KCNJ16: variants seen among roughly 807,000 people sequenced by gnomAD.
KCNJ16 encodes inward rectifier potassium channel 16.
In KCNJ16, 15 loss-of-function variants were observed where a neutral mutation model predicts 18.5. The ratio of observed to expected loss-of-function variants is 0.81; its 90% CI spans 0.54 to 1.25. The LOEUF is 1.25. KCNJ16 is among the 50% of genes most tolerant of loss of function. The pLI is 0.00. For missense variants in KCNJ16, 523 were observed against 525.7 expected, an observed-to-expected ratio of 0.99 and a Z score of 0.05; for synonymous variants, 174 against 186.5, an observed-to-expected ratio of 0.93 and a Z score of 0.55.
intron 1 of KCNJ16, among the ~76,000 whole-genome samples, 166 bp from the exon 2 acceptor site, chr17:70,100,492 C>T (rs1050526244): frequency 6.6e-6 from 1 of 152,148 alleles, no homozygotes; most frequent in Non-Finnish European, 1.5e-5. Flanking sequence ...AAACATTACT[C>T]TCACTCACCA....
chr17:70,082,404 G>A (rs2071594726), intron 1 of KCNJ16, among the ~76,000 whole-genome samples: 1 of 152,088 alleles, frequency 6.6e-6, no homozygotes, highest in Non-Finnish European at 1.5e-5. Flanking sequence ...TCCATTTCTA[G>A]GCCCCCAAAC....
intron 1 of KCNJ16, among the ~76,000 whole-genome samples, chr17:70,081,592 T>G (rs1012643220): frequency 6.6e-6 from 1 of 152,192 alleles, no homozygotes; most frequent in Non-Finnish European, 1.5e-5. Context: ...ATATTGTTCG[T>G]GTGTCTCTGC....
intron 2 of KCNJ16, among the ~76,000 whole-genome samples, chr17:70,106,668 A>G (rs1022557039): frequency 1.3e-5 from 2 of 152,174 alleles, no homozygotes; most frequent in African/African-American, 2.4e-5. Context: ...TGCTTCTGCC[A>G]TGGTTTTCTG....
intron 1 of KCNJ16, among the ~76,000 whole-genome samples, chr17:70,079,772 G>A (rs2071474423): frequency 6.6e-6 from 1 of 151,944 alleles, no homozygotes; most frequent in African/African-American, 2.4e-5. Flanking sequence ...GCATGATCTC[G>A]GCCCACTGCA....
intron 1 of KCNJ16, among the ~76,000 whole-genome samples, chr17:70,099,043 A>C (rs976556601): frequency 6.6e-6 from 1 of 152,116 alleles, no homozygotes; most frequent in Admixed American, 6.6e-5. Flanking sequence ...ACACCACAGA[A>C]ATGAAAAACT....
intron 2 of KCNJ16, chr17:70,101,042 G>T (rs1409653408): frequency 2.6e-5 from 4 of 152,188 alleles, no homozygotes; most frequent in Admixed American, 6.5e-5. Flanking sequence ...TGAATCCACA[G>T]TCTATTATAC....
rs115694666 is a variant in KCNJ16 at position 70,078,981 on chromosome 17, T to C, written c.-300+3591T>C. Among the ~76,000 whole-genome samples, 884 of 152,296 alleles carry C rather than the reference T, an allele frequency of 5.8e-3. 5 individuals carry two copies. The highest frequency in any genetic ancestry group is 0.019 in the African/African-American group (802 of 41,562). ...GTCAGAAACTCACTCTTAAGAGAAC[T>C]CAGACAGTTCTCTTAAAATGGTCTT... On this transcript the variant is annotated intron_variant, in intron 1 of 3. Transcript: ENST00000392671.
chr17:70,088,843 CGATTTTAGTCCTATGGCTTGAAT>C (rs2071957920), intron 1 of KCNJ16, among the ~76,000 whole-genome samples: 1 of 151,644 alleles, frequency 6.6e-6, no homozygotes, highest in East Asian at 1.9e-4. Context: ...GCCTAGTGGC[CGATTTTAGTCCTATGGCTTGAAT>C]GACTTAAAAT....
chr17:70,087,530 G>A (rs888544953), intron 1 of KCNJ16, among the ~76,000 whole-genome samples: 3 of 151,994 alleles, frequency 2.0e-5, no homozygotes, highest in Admixed American at 6.6e-5. Context: ...GGTGAAACCC[G>A]TTCTCTACTA....
chr17:70,128,675 C>G (rs1287833523), intron 2 of KCNJ16: 1 of 152,190 alleles, frequency 6.6e-6, no homozygotes, highest in Non-Finnish European at 1.5e-5. Context: ...ACTTCATATT[C>G]TACAGCTTTG....
rs1229402528 is a variant in KCNJ16, at chr17:70,133,106, G to A, written c.1019G>A (p.Ser340Asn). 3 of 1,614,060 alleles carry A rather than the reference G, an allele frequency of 1.9e-6. No individual in the cohort carries two copies. In the African/African-American group the frequency reaches 4.0e-5, roughly 22 times the overall value. Residue 340 changes from serine (S) to asparagine (N), a missense_variant, in exon 4 of 4, where the codon AGT (serine) becomes AAT (asparagine). Transcript: ENST00000392671. ...GSVEVYAPFC[S>N]AKQLDWKDQQ... ...GTGGAAGTATATGCCCCCTTTTGCA[G>A]TGCCAAGCAATTGGACTGGAAAGAC...
At position 70,133,652 on chromosome 17, in the gene KCNJ16, A is replaced by G; in HGVS notation, c.*308A>G. The G allele has an allele frequency of 4.2e-6, 1 of 240,844 alleles. No individual in the cohort carries two copies. The highest frequency in any genetic ancestry group is 8.7e-6 in the Non-Finnish European group (1 of 115,326). 14.9% of individuals were successfully genotyped at this position (240,844 alleles called of 1,614,324 possible). ...TGTAGTATTCAAAAACGGGGAATGA[A>G]GGCAGGAAGGAGGCTGGAATAAATA... On this transcript the variant is annotated 3_prime_UTR_variant, in exon 4 of 4. Coordinates refer to ENST00000392671, the MANE Select transcript of KCNJ16 (RefSeq NM_170741.4).
intron 1 of KCNJ16, among the ~76,000 whole-genome samples, chr17:70,077,937 C>A (rs2071387280): frequency 6.6e-6 from 1 of 152,022 alleles, no homozygotes; most frequent in Non-Finnish European, 1.5e-5. Flanking sequence ...AAGACAGTTA[C>A]ATTTTGCTTT....
chr17:70,105,418 T>A (rs932438602), intron 2 of KCNJ16, among the ~76,000 whole-genome samples: 1 of 152,188 alleles, frequency 6.6e-6, no homozygotes, highest in African/African-American at 2.4e-5. Context: ...AAGAGGTGAA[T>A]CTTTCATTTC....
At chr17:70,086,251 TAATG>T (rs2071791807) in intron 1 of KCNJ16, among the ~76,000 whole-genome samples, 1 of 152,196 alleles carries the variant, frequency 6.6e-6, no homozygotes, top group Admixed American at 6.5e-5. Flanking sequence ...TACAATTAGT[TAATG>T]AAGAGTAACA....
intron 2 of KCNJ16, among the ~76,000 whole-genome samples, chr17:70,129,017 CT>C (rs1217437487): frequency 4.6e-5 from 7 of 152,238 alleles, no homozygotes; most frequent in African/African-American, 1.7e-4. Context: ...AGCCCTCTTC[CT>C]GCTTCTGCTA....
chr17:70,095,416 C>T (rs1393972638), intron 1 of KCNJ16, among the ~76,000 whole-genome samples: 1 of 152,158 alleles, frequency 6.6e-6, no homozygotes, highest in African/African-American at 2.4e-5. Flanking sequence ...TAGAACCAAC[C>T]AGAAAAAGAA....
At chr17:70,086,423 A>G (rs2071798930) in intron 1 of KCNJ16, among the ~76,000 whole-genome samples, 1 of 152,244 alleles carries the variant, frequency 6.6e-6, no homozygotes, top group Non-Finnish European at 1.5e-5. Context: ...AGAAAAGTGT[A>G]TTTTTAAAGG....
rs2074140479 is a variant in KCNJ16, at chr17:70,133,533, T to G, written c.*189T>G. 1 of 537,948 alleles carries G rather than the reference T, an allele frequency of 1.9e-6. No homozygotes were observed. The highest frequency in any genetic ancestry group is 3.8e-5 in the South Asian group (1 of 26,266). 33.3% of individuals were successfully genotyped at this position (537,948 alleles called of 1,614,324 possible). On this transcript the variant is annotated 3_prime_UTR_variant, in exon 4 of 4. Transcript: ENST00000392671. ...AGTTCTCAGTTATTAAAATTTTTCT[T>G]GTTCGCCAATTTTGTATTAAGAATG...
Sources: allele counts gnomAD v4.1 joint callset (sites outside exome capture counted in the v4.1 genomes callset), GRCh38; gene constraint gnomAD v4.1.1; transcripts MANE v1.5; gene names NCBI Gene and HGNC (gene_info 2026-07-23, HGNC 2026-07-21).